The following FRMPD4 variants were observed in gnomAD, a reference collection of about 807,000 sequenced individuals.
The protein encoded by FRMPD4 is FERM and PDZ domain-containing protein 4.
In FRMPD4, 22 loss-of-function variants were observed where a neutral mutation model predicts 94.1. That is an observed-to-expected ratio of 0.23 (90% CI 0.17 to 0.33). The LOEUF is 0.33. Among genes scored for constraint, FRMPD4 ranks in the 10% least tolerant of loss-of-function variants. FRMPD4 has a pLI of 1.00. For synonymous variants in FRMPD4, 631 were observed against 548.6 expected (o/e 1.15, Z -2.10); for missense variants, 1,111 against 1,339.9 (o/e 0.83, Z 2.67).
intron 1 of FRMPD4, among the ~76,000 whole-genome samples, chrX:12,217,599 G>A (rs1266784413): frequency 8.9e-6 from 1 of 112,229 alleles, no homozygotes; most frequent in East Asian, 2.8e-4. Context: ...GTTCATCTCA[G>A]AAAATAATAT....
At chrX:12,706,943 C>A in intron 12 of FRMPD4, 28 bp downstream of exon 12, 1 of 438,505 alleles carries the variant, frequency 2.3e-6, no homozygotes, top group Non-Finnish European at 3.3e-6. Flanking sequence ...TTTTTTTTTG[C>A]TTTCTCTTGG....
At chrX:12,314,899 T>C (rs887473594) in intron 1 of FRMPD4, among the ~76,000 whole-genome samples, 3 of 112,244 alleles carry the variant, frequency 2.7e-5, no homozygotes, top group Non-Finnish European at 3.8e-5. Flanking sequence ...TTCATTTAAA[T>C]GTATTTCTCA....
chrX:11,957,663 T>A (rs185984248), intron 3 of FRMPD4, among the ~76,000 whole-genome samples: 15 of 112,609 alleles, frequency 1.3e-4, no homozygotes, highest in African/African-American at 4.8e-4. Context: ...AGGAGTCAAT[T>A]GAACTGCTGC....
intron 2 of FRMPD4, among the ~76,000 whole-genome samples, chrX:12,541,055 C>G (rs1186589088): frequency 8.9e-6 from 1 of 111,918 alleles, no homozygotes; most frequent in Non-Finnish European, 1.9e-5. Flanking sequence ...AACAAAGACA[C>G]AACAGACCAG....
chrX:12,092,519 C>A (rs920829847), intron 3 of FRMPD4, among the ~76,000 whole-genome samples: 1 of 111,380 alleles, frequency 9.0e-6, no homozygotes, highest in African/African-American at 3.3e-5. Flanking sequence ...AAGGAAGTAA[C>A]CAGTGGACAG....
intron 1 of FRMPD4, among the ~76,000 whole-genome samples, chrX:12,365,859 C>T (rs1490402983): frequency 8.9e-6 from 1 of 111,930 alleles, no homozygotes; most frequent in East Asian, 2.8e-4. Flanking sequence ...ATTTTATTTT[C>T]TACTGTATTT....
intron 5 of FRMPD4, among the ~76,000 whole-genome samples, chrX:12,675,111 A>G (rs768308066): frequency 8.9e-6 from 1 of 112,320 alleles, no homozygotes; most frequent in South Asian, 3.7e-4. Flanking sequence ...GGAGTAATAC[A>G]TTTTCTAAAG....
At chrX:12,359,838 C>T (rs756474042) in intron 1 of FRMPD4, among the ~76,000 whole-genome samples, 4 of 111,368 alleles carry the variant, frequency 3.6e-5, no homozygotes, top group South Asian at 3.9e-4. Flanking sequence ...TCCTTTCTCA[C>T]ACTTATGCAG....
chrX:11,871,162 A>C, intron 2 of FRMPD4, among the ~76,000 whole-genome samples: 1 of 112,573 alleles, frequency 8.9e-6, no homozygotes, highest in East Asian at 2.8e-4. Context: ...AAGATACCCT[A>C]GCATTCTTGT....
intron 3 of FRMPD4, among the ~76,000 whole-genome samples, chrX:12,023,613 A>G (rs1164033013): frequency 8.9e-6 from 1 of 112,130 alleles, no homozygotes; most frequent in East Asian, 2.8e-4. Context: ...TGCAAAGAAC[A>G]GTGCCTGGCA....
chrX:12,397,007 AATGCTGGCTCTCAAGAGTTCACAT>A (rs2056550449), intron 1 of FRMPD4, among the ~76,000 whole-genome samples: 1 of 111,489 alleles, frequency 9.0e-6, no homozygotes, highest in Non-Finnish European at 1.9e-5. Context: ...AGGCCGGCCC[AATGCTGGCTCTCAAGAGTTCACAT>A]ATGCATCAAA....
At chrX:12,469,097 T>C (rs1296892142) in intron 1 of FRMPD4, among the ~76,000 whole-genome samples, 1 of 112,334 alleles carries the variant, frequency 8.9e-6, no homozygotes, top group South Asian at 3.7e-4. Flanking sequence ...AATTGAGTCA[T>C]TTCATTTGCT....
At chrX:12,505,189 G>A (rs1338613147) in intron 2 of FRMPD4, among the ~76,000 whole-genome samples, 1 of 111,956 alleles carries the variant, frequency 8.9e-6, no homozygotes, top group Non-Finnish European at 1.9e-5. Flanking sequence ...GCTTGGGGCT[G>A]CCTGCCACCC....
At chrX:12,096,171 G>A (rs1169554616) in intron 3 of FRMPD4, among the ~76,000 whole-genome samples, 1 of 112,163 alleles carries the variant, frequency 8.9e-6, no homozygotes, top group African/African-American at 3.2e-5. Flanking sequence ...TCGGAAACAG[G>A]TATAATATTC....
intron 3 of FRMPD4, among the ~76,000 whole-genome samples, chrX:11,968,218 TA>T (rs1437090496): frequency 9.0e-6 from 1 of 111,711 alleles, no homozygotes; most frequent in Admixed American, 9.5e-5. Flanking sequence ...GCCTTGGATC[TA>T]GTTCATGATA....
At chrX:12,474,180 G>A (rs972623823) in intron 1 of FRMPD4, among the ~76,000 whole-genome samples, 5 of 109,798 alleles carry the variant, frequency 4.6e-5, no homozygotes, top group Admixed American at 3.8e-4. Flanking sequence ...CCAACTACAT[G>A]GAAACTGAAC....
intron 3 of FRMPD4, among the ~76,000 whole-genome samples, chrX:12,107,864 T>C (rs2055314342): frequency 9.1e-6 from 1 of 110,004 alleles, no homozygotes; most frequent in African/African-American, 3.3e-5. Flanking sequence ...AGAAGAGAAG[T>C]TTAGAGAAAA....
intron 1 of FRMPD4, among the ~76,000 whole-genome samples, chrX:12,157,208 C>T (rs1286634107): frequency 1.8e-5 from 2 of 111,971 alleles, no homozygotes; most frequent in Non-Finnish European, 3.8e-5. Context: ...TTTTTATATT[C>T]TGCTTATTAT....
intron 3 of FRMPD4, among the ~76,000 whole-genome samples, chrX:11,943,477 A>T (rs5935196): frequency 0.35 from 38,290 of 109,876 alleles, 5,408 homozygotes; most frequent in East Asian, 0.82. Flanking sequence ...TAGGCCTTCA[A>T]GCTGCATTAT....
Sources: gnomAD v4.1 joint callset for allele counts (sites outside exome capture counted in the v4.1 genomes callset) on GRCh38, gnomAD v4.1.1 for gene constraint, MANE v1.5 for transcripts, NCBI Gene and HGNC (gene_info 2026-07-23, HGNC 2026-07-21) for gene names.